Variants in ITGAD observed in about 807,000 individuals in gnomAD.
ITGAD encodes the protein integrin alpha-D.
In ITGAD, 105 loss-of-function variants were observed where a neutral mutation model predicts 139.0. That is an observed-to-expected ratio of 0.76 (90% CI 0.65 to 0.89). The LOEUF is 0.89. Ranked by LOEUF, ITGAD falls within the 40% of genes least tolerant of loss-of-function variation. ITGAD has a pLI of 0.00. For synonymous variants in ITGAD, 569 were observed against 598.3 expected (o/e 0.95, Z 0.71); for missense variants, 1,384 against 1,487.3 (o/e 0.93, Z 1.14).
At chr16:31,397,304 C>T (rs1345518634) in intron 2 of ITGAD, 55 bp from the exon 3 acceptor site, 23 of 1,260,526 alleles carry the variant, frequency 1.8e-5, no homozygotes, top group Middle Eastern at 2.2e-4. Flanking sequence ...CCCAAGTGCC[C>T]GCTGCTCCCA....
At position 31,407,851 on chromosome 16, in the gene ITGAD, T is replaced by G; in HGVS notation, c.944T>G (p.Val315Gly). The change falls in exon 9 of 30, where the codon GTG becomes GGG. Residue 315 changes from valine to glycine, a missense_variant. Transcript: ENST00000389202. ...CCTCCGCAGGACCACGTGTTCAAGGTGGACAACTTTGCAGCCCTTGGCAGC... is the reference window on the plus strand; with the variant it reads ...CCTCCGCAGGACCACGTGTTCAAGGGGGACAACTTTGCAGCCCTTGGCAGC... The part of the protein sequence containing the change: ...SAPPQDHVFK[V>G]DNFAALGSIQ... 6.2e-7 allele frequency: 1 copy of G among 1,608,062 alleles called. No individual in the cohort carries two copies. The highest frequency in any genetic ancestry group is 1.7e-4 in the Middle Eastern group (1 of 6,050).
At chr16:31,416,359 G>T in intron 19 of ITGAD, 73 bp downstream of exon 19, 1 of 1,487,310 alleles carries the variant, frequency 6.7e-7, no homozygotes, top group Non-Finnish European at 9.3e-7. Flanking sequence ...TGCTTGTGCT[G>T]CTCTCTGGCT....
Position 31,407,566 on chromosome 16 carries a change from C to T in ITGAD, c.756C>T (p.Ile252=). ...KNGARKSAKK[I]LIVITDGQKY... is the part of the protein sequence containing the mutation. ...GGGCCCGAAAAAGTGCCAAGAAGAT[C>T]CTCATTGTCATCACAGATGGGCAGA... Residue 252 remains isoleucine (I), a synonymous_variant, in exon 8 of 30, where the codon ATC becomes ATT. Coordinates refer to ENST00000389202, the MANE Select transcript of ITGAD (RefSeq NM_005353.3). 1.2e-6 allele frequency: 2 copies of T among 1,611,044 alleles called. No homozygotes were observed. Among genetic ancestry groups the T allele is most frequent in the South Asian group, 1.1e-5 (1 of 90,818 alleles).
intron 6 of ITGAD, chr16:31,402,522 T>A (rs554117111): frequency 3.8e-6 from 1 of 262,088 alleles, no homozygotes; most frequent in East Asian, 7.1e-5. Context: ...GGAATTTGAC[T>A]GACATATTTT....
chr16:31,407,723 A>G, intron 8 of ITGAD, 43 bp from the exon 9 acceptor site: 2 of 1,613,190 alleles, frequency 1.2e-6, no homozygotes, highest in Non-Finnish European at 1.7e-6. Context: ...CTTCAGGTGC[A>G]GTGCTGCTGG....
chr16:31,413,347 A>C, intron 16 of ITGAD, 101 bp downstream of exon 16: 14 of 1,225,570 alleles, frequency 1.1e-5, no homozygotes, highest in Non-Finnish European at 1.4e-5. Context: ...TCTTACCTCC[A>C]CATTCACTCA....
intron 14 of ITGAD, 74 bp downstream of exon 14, chr16:31,411,591 T>C: frequency 1.4e-6 from 2 of 1,399,230 alleles, no homozygotes; most frequent in Non-Finnish European, 1.0e-6. Context: ...CAGCCTCCTG[T>C]CTCTGTCACC....
intron 7 of ITGAD, among the ~76,000 whole-genome samples, chr16:31,407,162 T>A (rs2081559695): frequency 6.6e-6 from 1 of 152,284 alleles, no homozygotes; most frequent in East Asian, 1.9e-4. Context: ...GAGATCAGCC[T>A]GGCCAACATG....
rs575673930 is a variant in ITGAD, at chr16:31,424,149, C to A, written c.3207C>A (p.Phe1069Leu). The A allele has an allele frequency of 5.6e-6, 9 of 1,614,028 alleles. No individual in the cohort carries two copies. The highest frequency in any genetic ancestry group is 4.0e-5 in the African/African-American group (3 of 74,900). Residue 1069 changes from phenylalanine (F) to leucine (L), a missense_variant, in exon 28 of 30, where the codon TTC becomes TTA. Phe to Leu is a conservative substitution (Grantham distance 22). Transcript: ENST00000389202. ...TCGTGAGTGTGGCTGAAATTACGTT[C>A]GACACATCCGTGTACTCCCAGCTTC... is the stretch of plus-strand genomic sequence containing the variant. The part of the protein sequence containing the change: ...VLVVSVAEIT[F>L]DTSVYSQLPG...
rs2081889659 is a variant in ITGAD at position 31,416,499 on chromosome 16, C to G, written c.2358-6C>G. ...CGCCACTCCCAGCCTCGTCCTTCCC[C>G]TTCAGCCTGCAGACCCTGACCGTGG... On this transcript the variant is annotated splice_polypyrimidine_tract_variant and splice_region_variant and intron_variant, in intron 19 of 29. Transcript: ENST00000389202. 7 of 1,606,302 alleles carry G rather than the reference C, an allele frequency of 4.4e-6. No homozygotes were observed. The highest frequency in any genetic ancestry group is 2.7e-5 in the African/African-American group (2 of 74,952).
rs2082114376 is a variant in ITGAD at position 31,426,291 on chromosome 16, T to A, written c.*163T>A. ...AGATAGAGATTGTAATGTTTTTACA[T>A]ATCTGTCCATCTTTTTCAGCAATGA... On this transcript the variant is annotated 3_prime_UTR_variant, in exon 30 of 30. Transcript: ENST00000389202. 2 of 563,894 alleles carry A rather than the reference T, an allele frequency of 3.5e-6. No homozygotes were observed. The highest frequency in any genetic ancestry group is 3.8e-5 in the African/African-American group (2 of 52,982). 34.9% of individuals were successfully genotyped at this position (563,894 alleles called of 1,614,324 possible). A position where few individuals can be genotyped will look rare whatever the true frequency, so the allele number is the denominator to read the frequency against.
intron 16 of ITGAD, 82 bp from the exon 17 acceptor site, chr16:31,414,369 T>C: frequency 1.4e-6 from 2 of 1,464,530 alleles, no homozygotes; most frequent in Non-Finnish European, 9.4e-7. Flanking sequence ...CCAGCAAACA[T>C]GTATTGCATG....
At chr16:31,423,297 T>C in intron 24 of ITGAD, 55 bp from the exon 25 acceptor site, 1 of 1,576,662 alleles carries the variant, frequency 6.3e-7, no homozygotes, top group Admixed American at 1.7e-5. Context: ...AGGAGGGAAG[T>C]AGGATTTGGA....
At chr16:31,404,546 AGTCACACGGGAGT>A (rs2081490325) in intron 7 of ITGAD, 1 of 152,276 alleles carries the variant, frequency 6.6e-6, no homozygotes, top group Non-Finnish European at 1.5e-5. Flanking sequence ...GTAAGTTTAA[AGTCACACGGGAGT>A]GTCCCATTCT....
intron 10 of ITGAD, among the ~76,000 whole-genome samples, chr16:31,409,400 G>T (rs776774939): frequency 2.6e-5 from 4 of 151,908 alleles, no homozygotes; most frequent in Admixed American, 6.6e-5. Context: ...GTGTCTAGGG[G>T]GTGGTGAAAT....
chr16:31,410,589 C>G (rs1223393268), intron 11 of ITGAD, 65 bp downstream of exon 11: 4 of 950,966 alleles, frequency 4.2e-6, no homozygotes, highest in African/African-American at 4.5e-5. Flanking sequence ...GTCCAGGGTT[C>G]TGGGGAGGGG....
At chr16:31,396,834 G>A (rs1243708886) in intron 2 of ITGAD, among the ~76,000 whole-genome samples, 1 of 152,120 alleles carries the variant, frequency 6.6e-6, no homozygotes, top group Non-Finnish European at 1.5e-5. Context: ...TATAGTTATG[G>A]ATCCTAGTAC....
Position 31,397,421 on chromosome 16 carries a change from G to A in ITGAD, c.200G>A (p.Cys67Tyr), listed in dbSNP as rs2081292183. 3.1e-6 allele frequency: 5 copies of A among 1,603,438 alleles called. No individual in the cohort carries two copies. The highest frequency in any genetic ancestry group is 1.1e-5 in the South Asian group (1 of 89,150). ...AACCAGACGGGACGGCTGTATGACT[G>A]CGCAGCTGCCACCGGCATGTGCCAG... ...AANQTGRLYDCAAATGMCQPI... is the reference protein window; with the variant it reads ...AANQTGRLYDYAAATGMCQPI... The change falls in exon 3 of 30, where the codon TGC becomes TAC. Residue 67 changes from cysteine (C) to tyrosine (Y), a missense_variant. Transcript: ENST00000389202.
Position 31,414,860 on chromosome 16 carries a change from G to A in ITGAD, c.2152G>A (p.Asp718Asn). The A allele has an allele frequency of 6.8e-6, 11 of 1,614,026 alleles. No homozygotes were observed. Among genetic ancestry groups the A allele is most frequent in the Non-Finnish European group, 9.3e-6 (11 of 1,179,966 alleles). ...HCETLKLLLP[D>N]CVEDVVSPII... ...TTCTTGAAAGCCTGTTCTCTCTCAGGATTGTGTGGAGGATGTGGTGAGCCC... is the reference window on the plus strand; with the variant it reads ...TTCTTGAAAGCCTGTTCTCTCTCAGAATTGTGTGGAGGATGTGGTGAGCCC... The change falls in exon 18 of 30, where the codon GAT becomes AAT. Residue 718 changes from aspartate (D) to asparagine (N), a missense_variant and splice_region_variant. Transcript: ENST00000389202.
Sources: allele counts gnomAD v4.1 joint callset (sites outside exome capture counted in the v4.1 genomes callset), GRCh38; gene constraint gnomAD v4.1.1; transcripts MANE v1.5; gene names NCBI Gene and HGNC (gene_info 2026-07-23, HGNC 2026-07-21).